Variants in WDR48 observed in about 807,000 individuals in gnomAD.
WDR48 encodes the protein WD repeat domain 48, also known as WD repeat-containing protein 48.
Under a neutral mutation model 94.0 loss-of-function variants are expected in WDR48, and 22 were observed. The observed-to-expected ratio is 0.23, with a 90% CI of 0.17 to 0.33. The LOEUF is 0.33. Ranked by LOEUF, WDR48 falls within the 10% of genes least tolerant of loss-of-function variation. The pLI, the probability that WDR48 is intolerant of heterozygous loss-of-function variation, is 1.00. For missense variants in WDR48, 541 were observed against 813.8 expected (o/e 0.66, Z 4.08); for synonymous variants, 278 against 280.5 (o/e 0.99, Z 0.09).
At chr3:39,055,240 A>G (rs2032795270) in intron 1 of WDR48, among the ~76,000 whole-genome samples, 2 of 152,088 alleles carry the variant, frequency 1.3e-5, no homozygotes, top group Admixed American at 6.5e-5. Flanking sequence ...TAATCCCAGC[A>G]CTTTGGGAGG....
At position 39,068,867 on chromosome 3, in the gene WDR48, G is replaced by A; in HGVS notation, c.570+8G>A. The A allele has an allele frequency of 2.6e-6, 4 of 1,566,208 alleles. No individual in the cohort carries two copies. Among genetic ancestry groups the A allele is most frequent in the Non-Finnish European group, 8.7e-7 (1 of 1,152,490 alleles). Reference sequence around the variant, plus strand: ...TCAGGGTCCACTGAAAAGGTAAGGAGGAGCTTATTTCTTTATTTAAAAAAA... The same window carrying A: ...TCAGGGTCCACTGAAAAGGTAAGGAAGAGCTTATTTCTTTATTTAAAAAAA... On this transcript the variant is annotated splice_region_variant and intron_variant, in intron 6 of 18. Transcript: ENST00000302313.
chr3:39,057,676 G>A (rs945783936), intron 1 of WDR48, among the ~76,000 whole-genome samples: 2 of 152,122 alleles, frequency 1.3e-5, no homozygotes, highest in Non-Finnish European at 2.9e-5. Context: ...AGGCTGGAGT[G>A]CAGTGGCACC....
rs767278917 is a variant in WDR48 at position 39,094,061 on chromosome 3, G to C, written c.1933G>C (p.Asp645His). ...AEEKIELLCQ[D>H]QVLDPNMDLR... ...GGAGAAAATTGAACTTTTGTGCCAG[G>C]ACCAGGTAAGTGGACTTGAGGACTA... The change falls in exon 18 of 19, where the codon GAC (aspartate) becomes CAC (histidine). Residue 645 changes from aspartate to histidine, a missense_variant. Around this residue, in one of 5 missense-constraint regions of WDR48, gnomAD observed 109 missense variants for 195.5 expected, o/e 0.56. Coordinates refer to ENST00000302313, the MANE Select transcript of WDR48 (RefSeq NM_020839.4). The C allele has an allele frequency of 6.2e-7, 1 of 1,610,674 alleles. No homozygotes were observed. The highest frequency in any genetic ancestry group is 1.3e-5 in the African/African-American group (1 of 74,556).
At chr3:39,086,841 G>A (rs150311059) in intron 14 of WDR48, among the ~76,000 whole-genome samples, 159 of 152,260 alleles carry the variant, frequency 1.0e-3, no homozygotes, top group African/African-American at 3.5e-3. Flanking sequence ...CAGAAATCAC[G>A]TCATCCTTAA....
At chr3:39,088,280 T>C (rs2125681335) in intron 15 of WDR48, 47 bp downstream of exon 15, 1 of 1,578,348 alleles carries the variant, frequency 6.3e-7, no homozygotes, top group East Asian at 2.2e-5. Flanking sequence ...GGTATCCCAT[T>C]TGCTAAGAAG....
intron 11 of WDR48, among the ~76,000 whole-genome samples, 154 bp from the exon 12 acceptor site, chr3:39,083,998 ATTG>A (rs1400259920): frequency 3.3e-5 from 5 of 152,162 alleles, no homozygotes; most frequent in Admixed American, 1.3e-4. Flanking sequence ...ATAGCAGCAG[ATTG>A]TTATTTTAAA....
chr3:39,094,440 G>A (rs2035238381), intron 18 of WDR48: 1 of 1,529,804 alleles, frequency 6.5e-7, no homozygotes, highest in African/African-American at 1.4e-5. Flanking sequence ...AAGATGGCCT[G>A]GTGTTTCTGG....
chr3:39,054,781 T>C (rs1049077807), intron 1 of WDR48, among the ~76,000 whole-genome samples: 6 of 152,154 alleles, frequency 3.9e-5, no homozygotes, highest in African/African-American at 1.4e-4. Context: ...ACAGGAAATA[T>C]GGTGCTAGGA....
chr3:39,056,116 T>C (rs2032870274), intron 1 of WDR48, among the ~76,000 whole-genome samples: 1 of 152,222 alleles, frequency 6.6e-6, no homozygotes, highest in Admixed American at 6.5e-5. Context: ...TCAGCATATA[T>C]AGTTTTCGTT....
intron 12 of WDR48, 55 bp downstream of exon 12, chr3:39,084,317 A>G: frequency 2.3e-6 from 3 of 1,303,442 alleles, no homozygotes; most frequent in Admixed American, 2.0e-5. Context: ...TTTTCATTAT[A>G]GCTTATAATT....
chr3:39,079,480 T>G (rs1008303541), intron 10 of WDR48, among the ~76,000 whole-genome samples: 2 of 152,166 alleles, frequency 1.3e-5, no homozygotes, highest in African/African-American at 4.8e-5. Context: ...TAATCCATAA[T>G]GTATTATTAA....
intron 8 of WDR48, 152 bp downstream of exon 8, chr3:39,075,102 C>G: frequency 4.0e-6 from 3 of 756,820 alleles, no homozygotes; most frequent in Non-Finnish European, 4.1e-6. Context: ...CAGAACTTGA[C>G]AGGGTAAGGA....
chr3:39,089,276 T>C lies in WDR48; in HGVS notation c.1626T>C (p.Leu542=). 1 of 1,613,686 alleles carries C rather than the reference T, an allele frequency of 6.2e-7. No homozygotes were observed. Among genetic ancestry groups the C allele is most frequent in the Non-Finnish European group, 8.5e-7 (1 of 1,179,796 alleles). The change falls in exon 16 of 19, where the codon CTT becomes CTC. Residue 542 remains leucine, a synonymous_variant. Coordinates refer to ENST00000302313, the MANE Select transcript of WDR48 (RefSeq NM_020839.4). ...GGGGTGAGACTGAGTCTATGCTTCT[T>C]AATGAAACAGTGCCACAATGGGTAA... ...DSGGETESML[L]NETVPQWVID...
At chr3:39,059,195 T>C (rs1031067926) in intron 1 of WDR48, among the ~76,000 whole-genome samples, 1 of 152,140 alleles carries the variant, frequency 6.6e-6, no homozygotes, top group Admixed American at 6.6e-5. Flanking sequence ...AAGGAGACCT[T>C]TCTCCTAAGA....
At chr3:39,061,700 C>T (rs1161704080) in intron 1 of WDR48, among the ~76,000 whole-genome samples, 4 of 152,128 alleles carry the variant, frequency 2.6e-5, no homozygotes, top group Non-Finnish European at 4.4e-5. Context: ...GGTTGAACTA[C>T]TTTACACTCC....
intron 8 of WDR48, among the ~76,000 whole-genome samples, chr3:39,076,906 T>C (rs955975278): frequency 6.6e-6 from 1 of 152,234 alleles, no homozygotes; most frequent in Non-Finnish European, 1.5e-5. Flanking sequence ...TTAAAATTAT[T>C]GGCCACTGTT....
At chr3:39,073,630 T>C (rs2034056028) in intron 7 of WDR48, among the ~76,000 whole-genome samples, 2 of 152,200 alleles carry the variant, frequency 1.3e-5, no homozygotes, top group South Asian at 4.1e-4. Context: ...AGTAACATGC[T>C]GTGTGGATGC....
chr3:39,068,885 T>TA (rs34070325), intron 6 of WDR48, 26 bp downstream of exon 6: 157,228 of 1,328,588 alleles, frequency 0.12, 5,075 homozygotes, highest in African/African-American at 0.22. Context: ...TTTCTTTATT[T>TA]AAAAAAAAAA....
chr3:39,086,539 G>A (rs1177264255), intron 14 of WDR48, among the ~76,000 whole-genome samples: 1 of 152,182 alleles, frequency 6.6e-6, no homozygotes, highest in Non-Finnish European at 1.5e-5. Flanking sequence ...CCCACCCATG[G>A]TGGCTTTTCT....
Sources: gnomAD v4.1 joint callset for allele counts (sites outside exome capture counted in the v4.1 genomes callset) on GRCh38, gnomAD v4.1.1 for gene constraint, gnomAD v4.1.1 regional missense constraint, MANE v1.5 for transcripts, NCBI Gene and HGNC (gene_info 2026-07-23, HGNC 2026-07-21) for gene names.